The following PTPRD variants were observed in gnomAD, a reference collection of about 807,000 sequenced individuals.
The protein encoded by PTPRD is receptor-type tyrosine-protein phosphatase delta.
A neutral mutation model predicts 214.5 loss-of-function variants in PTPRD; 34 were observed. The ratio of observed to expected loss-of-function variants is 0.16; its 90% confidence interval spans 0.12 to 0.21. The LOEUF is 0.21. PTPRD is among the 10% of genes least tolerant of loss of function. PTPRD has a pLI of 1.00. For synonymous variants in PTPRD, 1,128 were observed against 845.7 expected (o/e 1.33, Z -5.79); for missense variants, 2,545 against 2,398.7 (o/e 1.06, Z -1.27).
intron 2 of PTPRD, among the ~76,000 whole-genome samples, chr9:10,419,398 G>A (rs767666649): frequency 8.6e-5 from 13 of 151,670 alleles, no homozygotes; most frequent in Non-Finnish European, 1.6e-4. Flanking sequence ...GCATAGTTCC[G>A]TTCTTTTTAC....
chr9:9,938,797 C>T (rs1329535079), intron 4 of PTPRD, among the ~76,000 whole-genome samples, 187 bp from the exon 5 acceptor site: 2 of 152,062 alleles, frequency 1.3e-5, no homozygotes, highest in Non-Finnish European at 2.9e-5. Flanking sequence ...CTGTATAAGT[C>T]AAAGGGACCA....
At chr9:8,813,646 T>TA (rs2096861860) in intron 11 of PTPRD, among the ~76,000 whole-genome samples, 1 of 152,180 alleles carries the variant, frequency 6.6e-6, no homozygotes, top group Admixed American at 6.5e-5. Flanking sequence ...GTGCTGGGAT[T>TA]ACAGGTACGA....
At chr9:10,139,364 GA>G (rs1243550140) in intron 3 of PTPRD, among the ~76,000 whole-genome samples, 1 of 151,784 alleles carries the variant, frequency 6.6e-6, no homozygotes, top group African/African-American at 2.4e-5. Flanking sequence ...AAACACTGCT[GA>G]ATAAAATCAG....
chr9:9,977,736 G>C (rs1451822094), intron 4 of PTPRD, among the ~76,000 whole-genome samples: 1 of 151,994 alleles, frequency 6.6e-6, no homozygotes, highest in Non-Finnish European at 1.5e-5. Flanking sequence ...ATTTTGCTTT[G>C]AGTTATTTAA....
At chr9:10,605,481 G>C (rs116432703) in intron 2 of PTPRD, among the ~76,000 whole-genome samples, 3 of 151,746 alleles carry the variant, frequency 2.0e-5, no homozygotes, top group Non-Finnish European at 4.4e-5. Context: ...ACACACATAA[G>C]GAATTAGCAC....
At chr9:10,215,086 CT>C (rs1321096022) in intron 3 of PTPRD, among the ~76,000 whole-genome samples, 1 of 152,008 alleles carries the variant, frequency 6.6e-6, no homozygotes, top group Non-Finnish European at 1.5e-5. Flanking sequence ...AAAATGTTAT[CT>C]TGCCTCCAAG....
chr9:9,211,403 T>C (rs2099948508), intron 9 of PTPRD, among the ~76,000 whole-genome samples: 1 of 152,052 alleles, frequency 6.6e-6, no homozygotes, highest in Admixed American at 6.6e-5. Flanking sequence ...TGTAAAGCAA[T>C]TAGAAGAGTG....
At chr9:9,025,165 T>G (rs2099582743) in intron 10 of PTPRD, among the ~76,000 whole-genome samples, 1 of 152,026 alleles carries the variant, frequency 6.6e-6, no homozygotes, top group African/African-American at 2.4e-5. Context: ...GCTTTATTAT[T>G]TTATGACTTT....
At chr9:10,135,286 G>C (rs1012184397) in intron 3 of PTPRD, among the ~76,000 whole-genome samples, 36 of 152,008 alleles carry the variant, frequency 2.4e-4, no homozygotes, top group African/African-American at 8.5e-4. Context: ...GAGAGATTAA[G>C]CAACTTGGAA....
intron 10 of PTPRD, among the ~76,000 whole-genome samples, chr9:9,140,603 G>A (rs2099858564): frequency 1.3e-5 from 2 of 152,070 alleles, no homozygotes; most frequent in Admixed American, 6.5e-5. Context: ...TTTTGAGACG[G>A]AGTCTCGCTC....
At chr9:10,584,989 C>T (rs1484840811) in intron 2 of PTPRD, among the ~76,000 whole-genome samples, 5 of 152,148 alleles carry the variant, frequency 3.3e-5, no homozygotes, top group East Asian at 1.9e-4. Flanking sequence ...AGCTTTCAGA[C>T]GATAAATAAC....
At chr9:9,481,178 T>C (rs1185851061) in intron 8 of PTPRD, among the ~76,000 whole-genome samples, 1 of 152,052 alleles carries the variant, frequency 6.6e-6, no homozygotes, top group Non-Finnish European at 1.5e-5. Context: ...GACTAGGCAG[T>C]AGACACTAAG....
intron 14 of PTPRD, among the ~76,000 whole-genome samples, chr9:8,600,517 G>C (rs2094788432): frequency 6.6e-6 from 1 of 151,610 alleles, no homozygotes; most frequent in African/African-American, 2.4e-5. Flanking sequence ...CCTTCTGCTT[G>C]AGAATAGAAG....
At chr9:10,388,176 C>A (rs531370920) in intron 2 of PTPRD, among the ~76,000 whole-genome samples, 1 of 151,632 alleles carries the variant, frequency 6.6e-6, no homozygotes, top group East Asian at 2.0e-4. Context: ...CAATGCAATA[C>A]AAAAGATGCT....
At chr9:10,362,230 A>G (rs1026072204) in intron 2 of PTPRD, among the ~76,000 whole-genome samples, 1 of 152,146 alleles carries the variant, frequency 6.6e-6, no homozygotes, top group African/African-American at 2.4e-5. Context: ...CCATAACAGT[A>G]ACAATTTCTC....
chr9:9,925,440 G>T (rs150933253), intron 5 of PTPRD, among the ~76,000 whole-genome samples: 3 of 152,062 alleles, frequency 2.0e-5, no homozygotes, highest in Admixed American at 1.3e-4. Context: ...GACCTTGAAG[G>T]AGGTTCTATA....
At chr9:8,711,178 A>C (rs1166153876) in intron 12 of PTPRD, among the ~76,000 whole-genome samples, 1 of 152,102 alleles carries the variant, frequency 6.6e-6, no homozygotes, top group Non-Finnish European at 1.5e-5. Flanking sequence ...TATATGTAAG[A>C]TAATAATATA....
At chr9:10,086,661 T>C (rs1410801848) in intron 3 of PTPRD, among the ~76,000 whole-genome samples, 2 of 151,820 alleles carry the variant, frequency 1.3e-5, no homozygotes, top group Non-Finnish European at 2.9e-5. Context: ...TCTAATTATA[T>C]AGGCAATGCT....
intron 12 of PTPRD, among the ~76,000 whole-genome samples, chr9:8,672,468 T>C (rs576361664): frequency 1.3e-5 from 2 of 152,290 alleles, no homozygotes; most frequent in South Asian, 4.1e-4. Context: ...CGTGCTTTAT[T>C]AGGGTTGGGC....
Sources: allele counts gnomAD v4.1 joint callset (sites outside exome capture counted in the v4.1 genomes callset), GRCh38; gene constraint gnomAD v4.1.1; transcripts MANE v1.5; gene names NCBI Gene and HGNC (gene_info 2026-07-23, HGNC 2026-07-21).